Variants in PAH observed in about 807,000 individuals in gnomAD.
The protein encoded by PAH is phenylalanine-4-hydroxylase.
Under a neutral mutation model 62.0 loss-of-function variants are expected in PAH, and 64 were observed. The ratio of observed to expected loss-of-function variants is 1.03; its 90% CI spans 0.84 to 1.27. PAH has a LOEUF of 1.27. Ranked by LOEUF, PAH falls within the 50% of genes most tolerant of loss-of-function variation. PAH has a pLI of 0.00. For missense variants in PAH, 579 were observed against 542.8 expected, an observed-to-expected ratio of 1.07 and a Z score of -0.66; for synonymous variants, 195 against 196.2, an observed-to-expected ratio of 0.99 and a Z score of 0.05.
intron 5 of PAH, among the ~76,000 whole-genome samples, chr12:102,857,030 G>C (rs1334139757): frequency 6.6e-6 from 1 of 152,234 alleles, no homozygotes; most frequent in Admixed American, 6.5e-5. Flanking sequence ...AAACTTCTCT[G>C]AGCTAAAGGA....
At chr12:102,901,590 CT>C (rs745757946) in intron 2 of PAH, among the ~76,000 whole-genome samples, 106 of 151,368 alleles carry the variant, frequency 7.0e-4, no homozygotes, top group Non-Finnish European at 1.2e-3. Flanking sequence ...TTTCTCAGCT[CT>C]TTTTTTTAAT....
chr12:102,921,884 A>AT (rs540881608), upstream of PAH, among the ~76,000 whole-genome samples: 78 of 151,988 alleles, frequency 5.1e-4, no homozygotes, highest in African/African-American at 1.9e-3. Flanking sequence ...TTATATTTTA[A>AT]TTTTTTTGCT....
At position 102,844,388 on chromosome 12, in the gene PAH, T is replaced by G. The variant is rs1169310686; in HGVS notation, c.1013A>C (p.Asp338Ala). Residue 338 changes from aspartate (D) to alanine (A), a missense_variant, in exon 10 of 13, where the codon GAC (aspartate) becomes GCC (alanine). Physicochemically the swap from Asp to Ala is moderately radical, Grantham distance 126 (BLOSUM62 -2). Transcript: ENST00000553106. ...CCCAGCACCATATGCCTTTATGGAG[T>G]CTCCTTGTTTGCAGAGCCCAAACTC... ...TVEFGLCKQG[D>A]SIKAYGAGLL... The G allele has an allele frequency of 1.9e-6, 3 of 1,613,720 alleles. No individual in the cohort carries two copies. Among genetic ancestry groups the G allele is most frequent in the Admixed American group, 1.7e-5 (1 of 59,974 alleles).
At chr12:102,887,109 A>C (rs1026167795) in intron 3 of PAH, among the ~76,000 whole-genome samples, 2 of 152,148 alleles carry the variant, frequency 1.3e-5, no homozygotes, top group African/African-American at 4.8e-5. Context: ...GTCGAAGAGG[A>C]TGAAAAAAAG....
chr12:102,949,072 T>G (rs761697963), intron 1 of PAH, among the ~76,000 whole-genome samples: 2 of 152,064 alleles, frequency 1.3e-5, no homozygotes, highest in African/African-American at 2.4e-5. Context: ...AATTACAGCT[T>G]CTCGGGGTCC....
intron 1 of PAH, chr12:102,923,548 C>G (rs1878609838): frequency 6.6e-6 from 1 of 152,140 alleles, no homozygotes; most frequent in African/African-American, 2.4e-5. Flanking sequence ...GGCATGTGGC[C>G]TATAGACCAT....
intron 5 of PAH, among the ~76,000 whole-genome samples, chr12:102,862,665 C>T (rs1330491088): frequency 6.6e-6 from 1 of 152,196 alleles, no homozygotes; most frequent in African/African-American, 2.4e-5. Context: ...CTTCAAAGAT[C>T]AGTGACTGTC....
chr12:102,865,204 T>TC (rs1319727212), intron 5 of PAH, among the ~76,000 whole-genome samples: 1 of 152,188 alleles, frequency 6.6e-6, no homozygotes, highest in Non-Finnish European at 1.5e-5. Flanking sequence ...GTCTCCGCTC[T>TC]CCCCAAATCC....
chr12:102,927,565 G>C (rs1878720449), intron 1 of PAH, among the ~76,000 whole-genome samples: 1 of 152,008 alleles, frequency 6.6e-6, no homozygotes, highest in South Asian at 2.1e-4. Flanking sequence ...TATGTTCAGG[G>C]CAACATGATT....
chr12:102,852,674 A>G, intron 7 of PAH, 141 bp downstream of exon 7: 1 of 1,014,842 alleles, frequency 9.9e-7, no homozygotes, highest in South Asian at 1.3e-5. Context: ...GAATAGATGA[A>G]TTGTTTTTAG....
chr12:102,852,811 T>C lies in PAH; in HGVS notation c.842+4A>G, dbSNP rs1555204434. ...GCAACTGGTAGCTGGAGGACAGTAC[T>C]CACGGTTCGGGGGTATACATGGGCT... is the stretch of plus-strand genomic sequence containing the variant. On this transcript the variant is annotated splice_donor_region_variant and intron_variant, in intron 7 of 12. Transcript: ENST00000553106. 1 of 1,614,022 alleles carries C rather than the reference T, an allele frequency of 6.2e-7. No homozygotes were observed. The highest frequency in any genetic ancestry group is 8.5e-7 in the Non-Finnish European group (1 of 1,179,922).
chr12:102,871,922 CAAAAAAAAAA>C (rs1168829038), intron 4 of PAH, among the ~76,000 whole-genome samples: 9 of 115,478 alleles, frequency 7.8e-5, no homozygotes, highest in African/African-American at 3.3e-4. Context: ...AACTCTGCCT[CAAAAAAAAAA>C]AAAAAAAAAA....
chr12:102,932,650 C>T (rs1878927171), intron 1 of PAH, among the ~76,000 whole-genome samples: 1 of 152,168 alleles, frequency 6.6e-6, no homozygotes, highest in African/African-American at 2.4e-5. Context: ...ACTTCTTCAA[C>T]AGGTGTATAT....
intron 11 of PAH, among the ~76,000 whole-genome samples, chr12:102,842,897 T>C (rs1358490972): frequency 6.6e-6 from 1 of 152,158 alleles, no homozygotes; most frequent in Non-Finnish European, 1.5e-5. Flanking sequence ...TTTTAAGTGG[T>C]AACATACAGT....
intron 2 of PAH, among the ~76,000 whole-genome samples, chr12:102,901,268 GCTAT>G (rs1877749681): frequency 6.6e-6 from 1 of 152,058 alleles, no homozygotes; most frequent in Non-Finnish European, 1.5e-5. Context: ...AAGTATGTGG[GCTAT>G]CTGGGTTCAA....
upstream of PAH, among the ~76,000 whole-genome samples, chr12:102,954,619 A>G (rs1266498099): frequency 6.6e-6 from 1 of 152,186 alleles, no homozygotes; most frequent in Non-Finnish European, 1.5e-5. Context: ...AGCCTGCTTT[A>G]TCTGGAATTC....
At chr12:102,919,612 C>A (rs1242590809), upstream of PAH, among the ~76,000 whole-genome samples, 1 of 152,086 alleles carries the variant, frequency 6.6e-6, no homozygotes, top group Non-Finnish European at 1.5e-5. Context: ...CCCTTCCCCA[C>A]CTCTGGTAAT....
intron 2 of PAH, among the ~76,000 whole-genome samples, chr12:102,897,461 GTGTGTA>G (rs1350287529): frequency 1.5e-5 from 2 of 129,648 alleles, no homozygotes; most frequent in East Asian, 4.1e-4. Context: ...ATGTGTGTGT[GTGTGTA>G]TATATATATA....
chr12:102,951,441 C>G (rs573265835), upstream of PAH, among the ~76,000 whole-genome samples: 13 of 152,202 alleles, frequency 8.5e-5, no homozygotes, highest in Non-Finnish European at 1.8e-4. Context: ...CCTGGTGAAT[C>G]TACATAGCAC....
Sources: gnomAD v4.1 joint callset for allele counts (sites outside exome capture counted in the v4.1 genomes callset) on GRCh38, gnomAD v4.1.1 for gene constraint, MANE v1.5 for transcripts, NCBI Gene and HGNC (gene_info 2026-07-23, HGNC 2026-07-21) for gene names.